WDR5: variants seen among roughly 807,000 people sequenced by gnomAD.
The protein encoded by WDR5 is WD repeat-containing protein 5.
For synonymous variants in WDR5, 144 were observed against 161.6 expected (o/e 0.89, Z 0.83); for missense variants, 187 against 416.9 (o/e 0.45, Z 4.80).
At chr9:134,141,732 T>C (rs1831898898) in intron 4 of WDR5, 149 bp downstream of exon 4, 2 of 960,436 alleles carry the variant, frequency 2.1e-6, no homozygotes, top group African/African-American at 1.7e-5. Context: ...TCTTGAACTT[T>C]TAACCCAAAT....
At chr9:134,143,307 G>A (rs1831995873) in intron 7 of WDR5, among the ~76,000 whole-genome samples, 1 of 152,170 alleles carries the variant, frequency 6.6e-6, no homozygotes, top group African/African-American at 2.4e-5. Flanking sequence ...TTGGGAGGCC[G>A]AGGCGGGTGG....
chr9:134,154,588 C>T, intron 10 of WDR5, 47 bp downstream of exon 10: 1 of 1,591,076 alleles, frequency 6.3e-7, no homozygotes, highest in Non-Finnish European at 8.6e-7. Flanking sequence ...GCCTCCCCAG[C>T]CAGAGACACC....
intron 8 of WDR5, among the ~76,000 whole-genome samples, chr9:134,149,716 A>G (rs1832399915): frequency 6.6e-6 from 1 of 152,254 alleles, no homozygotes; most frequent in African/African-American, 2.4e-5. Context: ...CATAGATGAT[A>G]TAAGATGTCT....
chr9:134,142,270 T>C lies in WDR5; in HGVS notation c.355-63T>C, dbSNP rs1294763145. The C allele has an allele frequency of 3.3e-6, 5 of 1,533,160 alleles. No homozygotes were observed. The Admixed American group carries it at 8.4e-5, about 26-fold the overall frequency. 95.0% of individuals were successfully genotyped at this position (1,533,160 alleles called of 1,614,324 possible). A position where few individuals can be genotyped will look rare whatever the true frequency, so the allele number is the denominator to read the frequency against. On this transcript the variant is annotated intron_variant, in intron 5 of 13. Transcript: ENST00000358625. ...TTGGGATGTCAGACATTGATGAATG[T>C]GACCTGACTCTTACGTTTGGGGAAA...
upstream of WDR5, chr9:134,135,971 C>T (rs1360010690): frequency 3.9e-5 from 6 of 152,228 alleles, no homozygotes; most frequent in African/African-American, 1.2e-4. Flanking sequence ...TTGGGCCGGC[C>T]CGAGGCATTC....
At chr9:134,140,575 C>T in intron 2 of WDR5, 128 bp from the exon 3 acceptor site, 1 of 779,350 alleles carries the variant, frequency 1.3e-6, no homozygotes, top group East Asian at 2.4e-5. Flanking sequence ...TGGTGGAAGG[C>T]ACTGGGCATG....
chr9:134,141,648 C>T lies in WDR5; in HGVS notation c.264+65C>T, dbSNP rs1588169461. On this transcript the variant is annotated intron_variant, in intron 4 of 13. Coordinates refer to ENST00000358625, the MANE Select transcript of WDR5 (RefSeq NM_017588.3). ...AGGGTGGCTCTAGTGATCAAGGGGTCAGGGCTGCTTCGAGAGCTGTGGGTT... is the reference window on the plus strand; with the variant it reads ...AGGGTGGCTCTAGTGATCAAGGGGTTAGGGCTGCTTCGAGAGCTGTGGGTT... 5.9e-6 allele frequency: 9 copies of T among 1,532,908 alleles called. No individual in the cohort carries two copies. The East Asian group carries it at 2.0e-4, about 35-fold the overall frequency. 95.0% of individuals were successfully genotyped at this position (1,532,908 alleles called of 1,614,324 possible). A position where few individuals can be genotyped will look rare whatever the true frequency, so the allele number is the denominator to read the frequency against.
Position 134,147,466 on chromosome 9 carries a change from C to A in WDR5, c.529-822C>A, listed in dbSNP as rs1303343155. On this transcript the variant is annotated intron_variant, in intron 7 of 13. Transcript: ENST00000358625. ...CATTTTTGGTTGTCAGAGCTATAGG[C>A]ATCTAGTGAGCAAAGGACAAGGTTG... Among the ~76,000 whole-genome samples, 3 of 152,150 alleles carry A rather than the reference C, an allele frequency of 2.0e-5. No homozygotes were observed. In the East Asian group the frequency reaches 5.8e-4, roughly 29 times the overall value.
At chr9:134,152,159 T>A (rs1832526747) in intron 9 of WDR5, 130 bp downstream of exon 9, 1 of 1,102,086 alleles carries the variant, frequency 9.1e-7, no homozygotes, top group Non-Finnish European at 1.3e-6. Flanking sequence ...GGAACCTTCC[T>A]CCGTGTCCGA....
chr9:134,155,269 C>T, intron 10 of WDR5, 71 bp from the exon 11 acceptor site: 2 of 1,475,862 alleles, frequency 1.4e-6, no homozygotes, highest in Non-Finnish European at 1.8e-6. Flanking sequence ...GACGTAGTGG[C>T]TGCAGAGTTG....
At chr9:134,156,667 T>C in intron 13 of WDR5, 74 bp downstream of exon 13, 1 of 1,513,164 alleles carries the variant, frequency 6.6e-7, no homozygotes, top group Non-Finnish European at 9.1e-7. Flanking sequence ...AAGCGTGGTG[T>C]GCCCGTAGGG....
intron 2 of WDR5, 78 bp from the exon 3 acceptor site, chr9:134,140,625 G>T (rs1381995281): frequency 8.6e-7 from 1 of 1,159,718 alleles, no homozygotes; most frequent in Non-Finnish European, 1.3e-6. Context: ...AAATTAAATG[G>T]TGGGAGTCAA....
At chr9:134,150,992 T>C (rs1832459071) in intron 8 of WDR5, among the ~76,000 whole-genome samples, 1 of 152,030 alleles carries the variant, frequency 6.6e-6, no homozygotes, top group Non-Finnish European at 1.5e-5. Flanking sequence ...AAATGAGAAA[T>C]GGAACTGAAA....
At position 134,157,091 on chromosome 9, in the gene WDR5, C is replaced by T. The variant is rs1225670685; in HGVS notation, c.904+498C>T. ...CTCTGTGGGTCCCGGCTGCCCTCTG[C>T]AGCCGCCGCTACTTCCTCACCCTCT... On this transcript the variant is annotated intron_variant, in intron 13 of 13. Coordinates refer to ENST00000358625, the MANE Select transcript of WDR5 (RefSeq NM_017588.3). This position sits in a 1 kb window ranked among gnomAD's most constrained non-coding sequence, Gnocchi z 5.0. Among the ~76,000 whole-genome samples, 1 of 152,174 alleles carries T rather than the reference C, an allele frequency of 6.6e-6. No individual in the cohort carries two copies. Among genetic ancestry groups the T allele is most frequent in the Non-Finnish European group, 1.5e-5 (1 of 68,032 alleles).
At chr9:134,156,663 G>A (rs1348587108) in intron 13 of WDR5, 70 bp downstream of exon 13, 1 of 1,530,646 alleles carries the variant, frequency 6.5e-7, no homozygotes, top group East Asian at 2.3e-5. Context: ...GGTGAAGCGT[G>A]GTGTGCCCGT....
At position 134,142,322 on chromosome 9, in the gene WDR5, C is replaced by T. The variant is rs890892294; in HGVS notation, c.355-11C>T. The T allele has an allele frequency of 2.5e-6, 4 of 1,611,522 alleles. No homozygotes were observed. Among genetic ancestry groups the T allele is most frequent in the Admixed American group, 1.7e-5 (1 of 59,992 alleles). On this transcript the variant is annotated splice_polypyrimidine_tract_variant and intron_variant, in intron 5 of 13. Transcript: ENST00000358625. ...AAGCACTGGAATAATCCTAATAATA[C>T]TCTGTTATAGGGCAAGTGTCTGAAA...
Position 134,139,885 on chromosome 9 carries a change from C to A in WDR5, c.8C>A (p.Thr3Lys). 6.2e-7 allele frequency: 1 copy of A among 1,613,466 alleles called. No individual in the cohort carries two copies. Among genetic ancestry groups the A allele is most frequent in the East Asian group, 2.2e-5 (1 of 44,880 alleles). Residue 3 changes from threonine to lysine, a missense_variant, in exon 2 of 14, where the codon ACG (threonine) becomes AAG (lysine). Physicochemically the swap from Thr to Lys is moderately conservative, Grantham distance 78. Coordinates refer to ENST00000358625, the MANE Select transcript of WDR5 (RefSeq NM_017588.3). ...GCGGCCAGCGTCAGAGCCATGGCGA[C>A]GGAGGAGAAGAAGCCCGAGACCGAG... The part of the protein sequence containing the change: MA[T>K]EEKKPETEAA...
At chr9:134,140,056 A>G (rs1831800473) in intron 2 of WDR5, 98 bp downstream of exon 2, 3 of 1,366,194 alleles carry the variant, frequency 2.2e-6, no homozygotes, top group Admixed American at 2.1e-5. Context: ...TTCCCTACTC[A>G]GTTAAATGTC....
intron 8 of WDR5, 83 bp from the exon 9 acceptor site, chr9:134,151,900 C>G (rs1285619320): frequency 5.6e-6 from 8 of 1,433,838 alleles, no homozygotes; most frequent in Non-Finnish European, 4.8e-6. Flanking sequence ...CGTGCTAGTC[C>G]TAAAATTTAT....
Sources: gnomAD v4.1 joint callset for allele counts (sites outside exome capture counted in the v4.1 genomes callset) on GRCh38, gnomAD v4.1.1 for gene constraint, Gnocchi (gnomAD v3.1) non-coding constraint, MANE v1.5 for transcripts, NCBI Gene and HGNC (gene_info 2026-07-23, HGNC 2026-07-21) for gene names.